Variants in NEDD9 observed in about 807,000 individuals in gnomAD.
The protein encoded by NEDD9 is enhancer of filamentation 1.
Under a neutral mutation model 76.6 loss-of-function variants are expected in NEDD9, and 26 were observed. That is an observed-to-expected ratio of 0.34 (90% CI 0.25 to 0.47). NEDD9 has a LOEUF of 0.47. Ranked by LOEUF, NEDD9 falls within the 20% of genes least tolerant of loss-of-function variation. The pLI is 1.00. For missense variants in NEDD9, 937 were observed against 1,058.5 expected, an observed-to-expected ratio of 0.89 and a Z score of 1.59; for synonymous variants, 392 against 414.2, an observed-to-expected ratio of 0.95 and a Z score of 0.65.
intron 3 of NEDD9, among the ~76,000 whole-genome samples, chr6:11,295,945 CTT>C (rs914672714): frequency 8.5e-5 from 13 of 152,160 alleles, no homozygotes; most frequent in African/African-American, 3.1e-4. Flanking sequence ...CATGTTGAAA[CTT>C]TAACACCAAG....
rs566131159 is a variant in NEDD9 at position 11,282,449 on chromosome 6, T to C, written c.12+23543A>G. Reference sequence around the variant, plus strand: ...CCACAAACGGAAGTCTCTCTAACCTTGACTCTTCCTCTGAAGCCCAGCTGT... The same window carrying C: ...CCACAAACGGAAGTCTCTCTAACCTCGACTCTTCCTCTGAAGCCCAGCTGT... On this transcript the variant is annotated intron_variant, in intron 3 of 3. Coordinates refer to the NEDD9 transcript ENST00000397378. Among the ~76,000 whole-genome samples, 120 of 152,318 alleles carry C rather than the reference T, an allele frequency of 7.9e-4. 1 individual carries two copies. Among genetic ancestry groups the C allele is most frequent in the African/African-American group, 2.8e-3 (118 of 41,564 alleles).
intron 1 of NEDD9, among the ~76,000 whole-genome samples, chr6:11,374,044 A>ATC (rs748028297): frequency 0.036 from 5,437 of 150,856 alleles, 284 homozygotes; most frequent in African/African-American, 0.11. Context: ...CATAAAATAA[A>ATC]TCTCTCTCTC....
At position 11,200,914 on chromosome 6, in the gene NEDD9, C is replaced by T. The variant is rs372890721; in HGVS notation, c.460-7222G>A. ...TGAAGATATTTATCCAAGAGAAAGA[C>T]GGCAAGCCTCCAAACTCAGGACACT... On this transcript the variant is annotated intron_variant, in intron 2 of 6. Coordinates refer to ENST00000379446, the MANE Select transcript of NEDD9 (RefSeq NM_006403.4). The T allele has an allele frequency of 2.3e-5, 37 of 1,611,722 alleles. 1 individual carries two copies. The highest frequency in any genetic ancestry group is 2.0e-4 in the South Asian group (18 of 90,786).
intron 1 of NEDD9, among the ~76,000 whole-genome samples, chr6:11,231,458 T>C (rs1759465950): frequency 6.6e-6 from 1 of 152,146 alleles, no homozygotes; most frequent in Non-Finnish European, 1.5e-5. Context: ...CCAGAAAAAT[T>C]TAGAAAAAAA....
intron 1 of NEDD9, among the ~76,000 whole-genome samples, chr6:11,346,680 C>T (rs1348156782): frequency 6.6e-6 from 1 of 152,188 alleles, no homozygotes; most frequent in African/African-American, 2.4e-5. Flanking sequence ...AGGATCTGGA[C>T]TGACTGCTGG....
At chr6:11,193,842 A>T (rs912447309) in intron 2 of NEDD9, 150 bp from the exon 3 acceptor site, 6 of 536,394 alleles carry the variant, frequency 1.1e-5, no homozygotes, top group Non-Finnish European at 2.0e-5. Context: ...GGAGACAAGT[A>T]GACACCACGT....
intron 1 of NEDD9, among the ~76,000 whole-genome samples, chr6:11,357,814 G>T (rs1052612621): frequency 6.6e-6 from 1 of 152,182 alleles, no homozygotes; most frequent in African/African-American, 2.4e-5. Flanking sequence ...TTATGGAGAA[G>T]TAATCTTTTC....
intron 3 of NEDD9, among the ~76,000 whole-genome samples, chr6:11,286,686 A>G (rs1760656035): frequency 6.6e-6 from 1 of 152,264 alleles, no homozygotes; most frequent in Non-Finnish European, 1.5e-5. Flanking sequence ...ATACAAATCA[A>G]AGTAACTATT....
intron 1 of NEDD9, among the ~76,000 whole-genome samples, chr6:11,231,066 A>G (rs756838140): frequency 3.9e-5 from 6 of 152,226 alleles, no homozygotes; most frequent in Non-Finnish European, 8.8e-5. Flanking sequence ...AAGTCACTCC[A>G]GGCTGAGTAA....
chr6:11,351,654 C>T lies in NEDD9; in HGVS notation c.-213-17093G>A, dbSNP rs116694438. Reference sequence around the variant, plus strand: ...GAATCTGAGCCAACAGATGTGGTGACATTCCCTCCAGGTTATCACCCGCTT... The same window carrying T: ...GAATCTGAGCCAACAGATGTGGTGATATTCCCTCCAGGTTATCACCCGCTT... On this transcript the variant is annotated intron_variant, in intron 1 of 3. Coordinates refer to the NEDD9 transcript ENST00000397378. Among the ~76,000 whole-genome samples, 728 of 152,312 alleles carry T rather than the reference C, an allele frequency of 4.8e-3. 8 individuals carry two copies. Among genetic ancestry groups the T allele is most frequent in the African/African-American group, 0.017 (686 of 41,552 alleles).
intron 3 of NEDD9, among the ~76,000 whole-genome samples, chr6:11,282,322 T>C (rs1760553298): frequency 6.6e-6 from 1 of 152,226 alleles, no homozygotes; most frequent in African/African-American, 2.4e-5. Context: ...ACCCTGGCTG[T>C]TCCCTCTCAC....
intron 3 of NEDD9, chr6:11,251,798 G>A (rs968474213): frequency 6.6e-6 from 1 of 152,198 alleles, no homozygotes; most frequent in South Asian, 2.1e-4. Context: ...TTTTTCTGGT[G>A]TTTCTAAAAA....
intron 3 of NEDD9, among the ~76,000 whole-genome samples, chr6:11,286,031 A>G (rs1452695158): frequency 6.6e-6 from 1 of 152,230 alleles, no homozygotes; most frequent in African/African-American, 2.4e-5. Context: ...TCTTCTAAAG[A>G]CATTGTTATT....
intron 2 of NEDD9, chr6:11,306,283 T>C: frequency 2.0e-6 from 1 of 497,874 alleles, no homozygotes; most frequent in East Asian, 3.4e-5. Context: ...ATGGAATCCA[T>C]CATCCATTCA....
At chr6:11,306,218 A>G in intron 2 of NEDD9, 1 of 602,432 alleles carries the variant, frequency 1.7e-6, no homozygotes, top group Non-Finnish European at 2.9e-6. Context: ...GATGCTTTTC[A>G]TCATTTAAGG....
At chr6:11,228,844 T>C (rs1759386169) in intron 1 of NEDD9, among the ~76,000 whole-genome samples, 1 of 152,200 alleles carries the variant, frequency 6.6e-6, no homozygotes, top group Admixed American at 6.5e-5. Flanking sequence ...CAAAGCATGT[T>C]TTAGTGATTT....
chr6:11,298,047 A>G (rs992971659), intron 3 of NEDD9, among the ~76,000 whole-genome samples: 3 of 151,812 alleles, frequency 2.0e-5, no homozygotes, highest in African/African-American at 4.8e-5. Context: ...AGCTGTTACT[A>G]TAGGTGCGCA....
chr6:11,200,689 C>A, intron 2 of NEDD9: 1 of 1,272,744 alleles, frequency 7.9e-7, no homozygotes, highest in South Asian at 1.9e-5. Context: ...AAAATGAGAT[C>A]TACGAGGCAG....
chr6:11,366,712 C>T (rs571947338), intron 1 of NEDD9, among the ~76,000 whole-genome samples: 22 of 152,178 alleles, frequency 1.4e-4, no homozygotes, highest in Non-Finnish European at 8.8e-5. Context: ...GGAGTTGCCT[C>T]GTCATTGAAT....
Sources: allele counts gnomAD v4.1 joint callset (sites outside exome capture counted in the v4.1 genomes callset), GRCh38; gene constraint gnomAD v4.1.1; transcripts MANE v1.5; gene names NCBI Gene and HGNC (gene_info 2026-07-23, HGNC 2026-07-21).